CDH13: variants seen among roughly 807,000 people sequenced by gnomAD.
CDH13 encodes cadherin-13.
CDH13 carries 24 observed loss-of-function variants against 63.8 expected under a neutral mutation model. The observed-to-expected ratio is 0.38, with a 90% CI of 0.27 to 0.53. CDH13 has a LOEUF of 0.53. CDH13 is among the 20% of genes least tolerant of loss of function. The probability of loss-of-function intolerance (pLI) is 0.85; values close to 1 mark genes in which losing one functional copy is unlikely to be tolerated. For missense variants in CDH13, 1,049 were observed against 903.1 expected (o/e 1.16, Z -2.07); for synonymous variants, 503 against 355.3 (o/e 1.42, Z -4.67).
chr16:83,591,847 G>A (rs1248306020), intron 7 of CDH13, among the ~76,000 whole-genome samples: 1 of 152,182 alleles, frequency 6.6e-6, no homozygotes, highest in Non-Finnish European at 1.5e-5. Context: ...TTGGTGTCCT[G>A]AACAGAACCA....
chr16:83,472,798 T>C (rs1170527217), intron 6 of CDH13, among the ~76,000 whole-genome samples: 1 of 151,944 alleles, frequency 6.6e-6, no homozygotes, highest in Non-Finnish European at 1.5e-5. Flanking sequence ...GCTCCTTAAA[T>C]ATTTATTGAG....
chr16:82,766,318 A>G (rs2035052393), intron 1 of CDH13, among the ~76,000 whole-genome samples: 1 of 152,240 alleles, frequency 6.6e-6, no homozygotes, highest in South Asian at 2.1e-4. Flanking sequence ...ATTTAACACC[A>G]GGTCCAAACT....
intron 11 of CDH13, among the ~76,000 whole-genome samples, chr16:83,762,631 C>A (rs1010081509): frequency 1.3e-5 from 2 of 152,130 alleles, no homozygotes; most frequent in South Asian, 4.1e-4. Context: ...TTCTGGAATC[C>A]CACTGGGGAC....
chr16:82,751,680 A>G (rs1003510327), intron 1 of CDH13, among the ~76,000 whole-genome samples: 2 of 149,768 alleles, frequency 1.3e-5, no homozygotes, highest in African/African-American at 5.0e-5. Context: ...TGACAGATTG[A>G]GAGAAAGACC....
intron 5 of CDH13, among the ~76,000 whole-genome samples, chr16:83,276,270 T>C (rs79704908): frequency 0.078 from 11,917 of 152,192 alleles, 600 homozygotes; most frequent in Non-Finnish European, 0.11. Context: ...GCCCTATCCA[T>C]TAGGAGCCCC....
At chr16:82,980,828 C>T (rs1317529577) in intron 2 of CDH13, among the ~76,000 whole-genome samples, 1 of 152,170 alleles carries the variant, frequency 6.6e-6, no homozygotes, top group Non-Finnish European at 1.5e-5. Context: ...TGTTTCATGA[C>T]TGAGCATTCA....
At chr16:83,589,138 A>G (rs1208512311) in intron 7 of CDH13, among the ~76,000 whole-genome samples, 5 of 152,000 alleles carry the variant, frequency 3.3e-5, no homozygotes, top group African/African-American at 9.7e-5. Context: ...TGCTTTTTCT[A>G]TCTTCTAAAG....
chr16:83,776,209 T>C lies in CDH13; in HGVS notation c.1682-3759T>C, dbSNP rs538336173. 2.6e-5 allele frequency among the ~76,000 whole-genome samples: 4 copies of C among 152,350 alleles called. No individual in the cohort carries two copies. The East Asian group carries it at 7.7e-4, about 29-fold the overall frequency. ...CACAAAAGGCCAATTCTTATGGCCG[T>C]ATTTCAAATGCTCATAACGCCTTCT... On this transcript the variant is annotated intron_variant, in intron 11 of 13. Coordinates refer to ENST00000567109, the MANE Select transcript of CDH13 (RefSeq NM_001257.5).
intron 1 of CDH13, among the ~76,000 whole-genome samples, chr16:82,828,926 G>C (rs1476510817): frequency 6.6e-6 from 1 of 152,106 alleles, no homozygotes; most frequent in African/African-American, 2.4e-5. Context: ...GATACCAAGG[G>C]ACAATTGTGC....
intron 1 of CDH13, among the ~76,000 whole-genome samples, chr16:82,849,132 G>C (rs534037382): frequency 3.9e-5 from 6 of 152,166 alleles, no homozygotes; most frequent in African/African-American, 1.4e-4. Flanking sequence ...AGGTGAAGAA[G>C]CTGCAGGAGA....
At chr16:83,187,440 T>G (rs1208024704) in intron 4 of CDH13, among the ~76,000 whole-genome samples, 2 of 152,090 alleles carry the variant, frequency 1.3e-5, no homozygotes, top group African/African-American at 4.8e-5. Flanking sequence ...AACCATGACT[T>G]GAGGCAAAGG....
At chr16:83,129,613 C>T (rs1441144203) in intron 4 of CDH13, among the ~76,000 whole-genome samples, 3 of 152,192 alleles carry the variant, frequency 2.0e-5, no homozygotes, top group African/African-American at 7.2e-5. Flanking sequence ...TTGACACCAG[C>T]TGGGGTATTT....
chr16:82,680,169 G>C (rs1205328522), intron 1 of CDH13, among the ~76,000 whole-genome samples: 4 of 152,200 alleles, frequency 2.6e-5, no homozygotes, highest in Admixed American at 2.0e-4. Flanking sequence ...AGGACTCCTG[G>C]ACAGTGCCAT....
At chr16:83,389,470 A>G (rs1257252290) in intron 6 of CDH13, among the ~76,000 whole-genome samples, 1 of 152,220 alleles carries the variant, frequency 6.6e-6, no homozygotes, top group Non-Finnish European at 1.5e-5. Flanking sequence ...CTAAACTAGG[A>G]GCCAATCCAG....
At chr16:83,619,377 G>A (rs1237204956) in intron 8 of CDH13, among the ~76,000 whole-genome samples, 1 of 152,224 alleles carries the variant, frequency 6.6e-6, no homozygotes, top group Non-Finnish European at 1.5e-5. Flanking sequence ...TTGGCATGGA[G>A]CTCAGGGAGG....
chr16:83,719,229 C>G (rs1909355435), intron 10 of CDH13, among the ~76,000 whole-genome samples: 1 of 152,152 alleles, frequency 6.6e-6, no homozygotes, highest in South Asian at 2.1e-4. Flanking sequence ...ACTTGTCAAG[C>G]TTTGTTCTCA....
intron 3 of CDH13, among the ~76,000 whole-genome samples, chr16:83,080,880 T>TTTTTTG (rs1555579075): frequency 0.014 from 1,547 of 112,492 alleles, 103 homozygotes; most frequent in African/African-American, 0.053. Flanking sequence ...TGTTTTTTTT[T>TTTTTTG]TTTTTTTTTT....
chr16:82,755,410 A>T (rs1161733863), intron 1 of CDH13, among the ~76,000 whole-genome samples: 1 of 152,216 alleles, frequency 6.6e-6, no homozygotes, highest in Non-Finnish European at 1.5e-5. Context: ...AGATTAGAAA[A>T]GGGAGTGCAC....
chr16:83,057,110 G>T (rs1292325143), intron 3 of CDH13, among the ~76,000 whole-genome samples: 1 of 152,076 alleles, frequency 6.6e-6, no homozygotes. Context: ...GGGATTACAG[G>T]CACGTGCCAC....
Sources: gnomAD v4.1 joint callset for allele counts (sites outside exome capture counted in the v4.1 genomes callset) on GRCh38, gnomAD v4.1.1 for gene constraint, MANE v1.5 for transcripts, NCBI Gene and HGNC (gene_info 2026-07-23, HGNC 2026-07-21) for gene names.